Variants in SLC2A13 observed in about 807,000 individuals in gnomAD.
SLC2A13 encodes the protein solute carrier family 2 member 13.
In SLC2A13, 32 loss-of-function variants were observed where a neutral mutation model predicts 64.4. The ratio of observed to expected loss-of-function variants is 0.50; its 90% CI spans 0.37 to 0.67. SLC2A13 has a LOEUF of 0.67. Among genes scored for constraint, SLC2A13 ranks in the 30% least tolerant of loss-of-function variants. The probability of loss-of-function intolerance (pLI) is 0.00; values close to 1 mark genes in which losing one functional copy is unlikely to be tolerated. For missense variants in SLC2A13, 743 were observed against 829.2 expected, an observed-to-expected ratio of 0.90 and a Z score of 1.28; for synonymous variants, 338 against 327.1, an observed-to-expected ratio of 1.03 and a Z score of -0.36.
intron 6 of SLC2A13, among the ~76,000 whole-genome samples, chr12:39,837,277 G>T (rs1474422072): frequency 6.7e-6 from 1 of 149,918 alleles, no homozygotes; most frequent in African/African-American, 2.5e-5. Flanking sequence ...TGGGAAAACT[G>T]GCTAGCCATA....
At chr12:40,096,256 A>G (rs1396447356) in intron 1 of SLC2A13, among the ~76,000 whole-genome samples, 1 of 152,078 alleles carries the variant, frequency 6.6e-6, no homozygotes, top group Non-Finnish European at 1.5e-5. Context: ...TTGCTAATTT[A>G]GTAAGTATCG....
chr12:39,988,086 A>G (rs550714555), intron 3 of SLC2A13, among the ~76,000 whole-genome samples: 4 of 152,296 alleles, frequency 2.6e-5, no homozygotes, highest in Non-Finnish European at 5.9e-5. Context: ...TATTGCAAGG[A>G]ACAATCTTCT....
chr12:40,020,503 G>C (rs1162829362), intron 3 of SLC2A13, among the ~76,000 whole-genome samples: 2 of 152,172 alleles, frequency 1.3e-5, no homozygotes, highest in Non-Finnish European at 2.9e-5. Flanking sequence ...AGAATTGTGA[G>C]TCAATTAAAC....
At chr12:39,988,703 A>G (rs144642522) in intron 3 of SLC2A13, among the ~76,000 whole-genome samples, 45 of 48,148 alleles carry the variant, frequency 9.3e-4, no homozygotes, top group Admixed American at 3.4e-3. Flanking sequence ...GGAAGGAAGG[A>G]AGGAAGGAAG....
At position 39,757,500 on chromosome 12, in the gene SLC2A13, A is replaced by C. The variant is rs1940000459; in HGVS notation, c.*2526T>G. 6.6e-6 allele frequency: 1 copy of C among 151,642 alleles called. No homozygotes were observed. The highest frequency in any genetic ancestry group is 1.5e-5 in the Non-Finnish European group (1 of 67,708). The allele number at this position is 151,642 out of a possible 1,614,324, so 9.4% of individuals were successfully genotyped here. A position where few individuals can be genotyped will look rare whatever the true frequency, so the allele number is the denominator to read the frequency against. On this transcript the variant is annotated 3_prime_UTR_variant, in exon 10 of 10. Coordinates refer to ENST00000280871, the MANE Select transcript of SLC2A13 (RefSeq NM_052885.4). ...TACTATAAATGTTCACCAAATCTAA[A>C]AATAATACCCTAATTGTATAAGGTT...
At chr12:40,001,737 CTATAAATAAAAT>C (rs1947324580) in intron 3 of SLC2A13, among the ~76,000 whole-genome samples, 1 of 152,134 alleles carries the variant, frequency 6.6e-6, no homozygotes, top group Non-Finnish European at 1.5e-5. Flanking sequence ...ATGTAAAAGT[CTATAAATAAAAT>C]TAAATGTGCA....
chr12:39,817,193 G>A (rs1453344131), intron 7 of SLC2A13, among the ~76,000 whole-genome samples: 1 of 152,204 alleles, frequency 6.6e-6, no homozygotes, highest in East Asian at 1.9e-4. Flanking sequence ...TCTCACAGGA[G>A]TACTCAACAA....
At chr12:40,070,959 C>T (rs987447677) in intron 1 of SLC2A13, among the ~76,000 whole-genome samples, 2 of 152,100 alleles carry the variant, frequency 1.3e-5, no homozygotes, top group African/African-American at 2.4e-5. Context: ...ACAGAAGACC[C>T]AACCGGTTAT....
At chr12:39,772,475 A>G (rs1229652626) in intron 7 of SLC2A13, among the ~76,000 whole-genome samples, 1 of 152,162 alleles carries the variant, frequency 6.6e-6, no homozygotes, top group African/African-American at 2.4e-5. Context: ...TGTTCCTTGA[A>G]TGATGAAGCT....
At chr12:39,894,562 C>T (rs536781700) in intron 4 of SLC2A13, among the ~76,000 whole-genome samples, 77 of 152,190 alleles carry the variant, frequency 5.1e-4, no homozygotes, top group African/African-American at 1.7e-3. Flanking sequence ...AGTGGTTAAA[C>T]CCAGACTAAA....
intron 3 of SLC2A13, among the ~76,000 whole-genome samples, chr12:39,968,760 GTATATATATA>G (rs56838055): frequency 4.4e-3 from 265 of 59,744 alleles, no homozygotes; most frequent in East Asian, 9.8e-3. Flanking sequence ...TTTTTTTTTG[GTATATATATA>G]TATATATATA....
intron 7 of SLC2A13, among the ~76,000 whole-genome samples, chr12:39,767,570 T>A (rs966324370): frequency 6.6e-6 from 1 of 152,080 alleles, no homozygotes; most frequent in Non-Finnish European, 1.5e-5. Flanking sequence ...TCTCTAGCTA[T>A]GAGAGTCCTG....
intron 7 of SLC2A13, among the ~76,000 whole-genome samples, chr12:39,809,673 C>T (rs1451408457): frequency 6.6e-6 from 1 of 152,116 alleles, no homozygotes; most frequent in Non-Finnish European, 1.5e-5. Context: ...CACCCCACAA[C>T]AGTCTCTGGT....
intron 1 of SLC2A13, among the ~76,000 whole-genome samples, chr12:40,080,730 T>C (rs11175090): frequency 0.099 from 15,003 of 152,270 alleles, 901 homozygotes; most frequent in East Asian, 0.2. Flanking sequence ...ATGTTAAGAT[T>C]TGATCCTGTC....
chr12:39,854,753 C>T (rs914208020), intron 6 of SLC2A13, among the ~76,000 whole-genome samples: 1 of 152,196 alleles, frequency 6.6e-6, no homozygotes, highest in African/African-American at 2.4e-5. Flanking sequence ...TCCTCTCCTT[C>T]TGCATCATCC....
chr12:39,950,159 T>C (rs923673324), intron 4 of SLC2A13: 3 of 152,158 alleles, frequency 2.0e-5, no homozygotes, highest in Non-Finnish European at 1.5e-5. Context: ...TACTGGCTCA[T>C]TGGGTCCTAA....
intron 3 of SLC2A13, among the ~76,000 whole-genome samples, chr12:39,993,770 T>C (rs2136170457): frequency 6.6e-6 from 1 of 152,290 alleles, no homozygotes; most frequent in East Asian, 1.9e-4. Flanking sequence ...ATTAGGAAAA[T>C]CTTTGCATTC....
chr12:39,969,077 G>A (rs1428444910), intron 3 of SLC2A13, among the ~76,000 whole-genome samples: 2 of 151,976 alleles, frequency 1.3e-5, no homozygotes, highest in African/African-American at 4.8e-5. Flanking sequence ...GCGATAGTTT[G>A]CTGAGAATGA....
chr12:39,786,125 C>T (rs138858937), intron 7 of SLC2A13, among the ~76,000 whole-genome samples: 83 of 152,106 alleles, frequency 5.5e-4, no homozygotes, highest in African/African-American at 1.3e-3. Flanking sequence ...GGGCCAGGGG[C>T]GGAATGATGT....
Sources: allele counts gnomAD v4.1 joint callset (sites outside exome capture counted in the v4.1 genomes callset), GRCh38; gene constraint gnomAD v4.1.1; transcripts MANE v1.5; gene names NCBI Gene and HGNC (gene_info 2026-07-23, HGNC 2026-07-21).